MCTP1: variants seen among roughly 807,000 people sequenced by gnomAD.
The protein encoded by MCTP1 is multiple C2 and transmembrane domain containing 1, also known as multiple C2 and transmembrane domain-containing protein 1.
MCTP1 carries 69 observed loss-of-function variants against 120.6 expected under a neutral mutation model. That is an observed-to-expected ratio of 0.57 (90% CI 0.47 to 0.70). The LOEUF (loss-of-function observed/expected upper bound fraction) is 0.70. Ranked by LOEUF, MCTP1 falls within the 30% of genes least tolerant of loss-of-function variation. MCTP1 has a pLI of 0.00. For synonymous variants in MCTP1, 529 were observed against 493.1 expected (o/e 1.07, Z -0.96); for missense variants, 1,203 against 1,248.8 (o/e 0.96, Z 0.55).
chr5:95,035,389 T>C (rs1053678226), intron 1 of MCTP1, among the ~76,000 whole-genome samples: 4 of 152,038 alleles, frequency 2.6e-5, no homozygotes, highest in Non-Finnish European at 5.9e-5. Context: ...TGTGCAGCCA[T>C]AAAAAGAATG....
chr5:94,802,614 T>C (rs189572364), intron 17 of MCTP1, among the ~76,000 whole-genome samples: 121 of 152,092 alleles, frequency 8.0e-4, no homozygotes, highest in African/African-American at 2.9e-3. Flanking sequence ...GTAAGAGAAA[T>C]AAGGCAGCTG....
intron 7 of MCTP1, among the ~76,000 whole-genome samples, chr5:94,919,909 T>G (rs1365434632): frequency 6.6e-6 from 1 of 152,244 alleles, no homozygotes; most frequent in Non-Finnish European, 1.5e-5. Flanking sequence ...CTGAAGTGTC[T>G]CATCTTATAA....
At chr5:94,953,890 T>C (rs1167928572) in intron 2 of MCTP1, among the ~76,000 whole-genome samples, 4 of 102,470 alleles carry the variant, frequency 3.9e-5, no homozygotes, top group East Asian at 2.4e-4. Context: ...TGCATATATA[T>C]ACAAATATAT....
At chr5:95,281,754 G>A (rs1407427983) in intron 1 of MCTP1, among the ~76,000 whole-genome samples, 1 of 152,172 alleles carries the variant, frequency 6.6e-6, no homozygotes. Context: ...AAATATACAT[G>A]CAACAATACA....
chr5:94,829,018 A>AC (rs1787898806), intron 17 of MCTP1, among the ~76,000 whole-genome samples: 1 of 151,786 alleles, frequency 6.6e-6, no homozygotes, highest in Non-Finnish European at 1.5e-5. Context: ...CAACAACAAA[A>AC]AAAAAACTCC....
rs1224057524 is a variant in MCTP1 at position 95,017,544 on chromosome 5, AG to A, written c.721-61del. ...ATTATCTCTGTTCTATTTTCTCTAA[AG>A]GGGGACCATATATAGCTTAACCCAA... On this transcript the variant is annotated intron_variant, in intron 1 of 22. Coordinates refer to ENST00000515393, the MANE Select transcript of MCTP1 (RefSeq NM_024717.7). The A allele has an allele frequency of 6.8e-6, 8 of 1,178,022 alleles. No homozygotes were observed. The East Asian group carries it at 1.3e-4, about 19-fold the overall frequency. 73.0% of individuals were successfully genotyped at this position (1,178,022 alleles called of 1,614,324 possible).
At chr5:94,908,185 T>G (rs1184198389) in intron 10 of MCTP1, among the ~76,000 whole-genome samples, 2 of 152,006 alleles carry the variant, frequency 1.3e-5, no homozygotes, top group Non-Finnish European at 2.9e-5. Flanking sequence ...AGTGTTTTAA[T>G]TAAGGGAAAA....
At chr5:95,021,388 G>A (rs1475582796) in intron 1 of MCTP1, among the ~76,000 whole-genome samples, 1 of 152,016 alleles carries the variant, frequency 6.6e-6, no homozygotes, top group African/African-American at 2.4e-5. Context: ...GATTTGAACT[G>A]CATTGAGTTT....
rs1470330477 is a variant in MCTP1, at chr5:94,871,423, T to C, written c.2037-6A>G. 13 of 1,569,572 alleles carry C rather than the reference T, an allele frequency of 8.3e-6. No homozygotes were observed. Among genetic ancestry groups the C allele is most frequent in the Non-Finnish European group, 1.1e-5 (13 of 1,140,388 alleles). On this transcript the variant is annotated splice_region_variant and splice_polypyrimidine_tract_variant and intron_variant, in intron 13 of 22. Coordinates refer to ENST00000515393, the MANE Select transcript of MCTP1 (RefSeq NM_024717.7). ...AATGGATATCTTTAATGTTGCTGCA[T>C]AATAAATATATGTAAGAAAAAAAGA...
intron 19 of MCTP1, among the ~76,000 whole-genome samples, chr5:94,757,634 T>C (rs1770248314): frequency 6.6e-6 from 1 of 152,192 alleles, no homozygotes; most frequent in Admixed American, 6.5e-5. Flanking sequence ...AAGGCAGAAA[T>C]GGAGATTTCT....
chr5:95,215,590 TG>T (rs1353816309), intron 1 of MCTP1, among the ~76,000 whole-genome samples: 1 of 152,178 alleles, frequency 6.6e-6, no homozygotes, highest in African/African-American at 2.4e-5. Context: ...TTGTTAGCCT[TG>T]TTGCTATTTT....
intron 19 of MCTP1, among the ~76,000 whole-genome samples, chr5:94,756,567 C>T (rs1769942866): frequency 1.3e-5 from 2 of 152,072 alleles, no homozygotes; most frequent in African/African-American, 2.4e-5. Flanking sequence ...CATAGAAAGC[C>T]GAAACTCCCT....
intron 18 of MCTP1, among the ~76,000 whole-genome samples, chr5:94,787,876 T>A (rs1374912181): frequency 6.6e-6 from 1 of 152,216 alleles, no homozygotes; most frequent in African/African-American, 2.4e-5. Flanking sequence ...TCTTAAATTC[T>A]TAGAAGACTC....
At chr5:95,010,620 G>C (rs1344661001) in intron 2 of MCTP1, among the ~76,000 whole-genome samples, 2 of 151,956 alleles carry the variant, frequency 1.3e-5, no homozygotes, top group Non-Finnish European at 2.9e-5. Flanking sequence ...CTAATGCCAG[G>C]CAAGTAAGTA....
chr5:95,080,139 C>T (rs10060235), intron 1 of MCTP1, among the ~76,000 whole-genome samples: 124,330 of 152,104 alleles, frequency 0.82, 53,402 homozygotes, highest in Non-Finnish European at 0.96. Context: ...CAATCTACCA[C>T]ACCACCTCCA....
At position 94,947,860 on chromosome 5, in the gene MCTP1, G is replaced by A. The variant is rs371558455; in HGVS notation, c.981+5359C>T. ...GGTCTTGAACCTCCTGAGTTCAAGC[G>A]ATCCTCTCACCTCAGCGCCCCAAAG... On this transcript the variant is annotated intron_variant, in intron 3 of 22. Transcript: ENST00000515393. Among the ~76,000 whole-genome samples the A allele has an allele frequency of 5.3e-5, 8 of 150,186 alleles. No individual in the cohort carries two copies. The East Asian group carries it at 1.4e-3, about 26-fold the overall frequency.
At chr5:95,053,511 A>G (rs370603054) in intron 1 of MCTP1, among the ~76,000 whole-genome samples, 6 of 152,192 alleles carry the variant, frequency 3.9e-5, no homozygotes, top group East Asian at 3.8e-4. Context: ...CAGTTAAACT[A>G]CAGATTGAGA....
chr5:94,884,613 TG>T (rs926602211), intron 12 of MCTP1, among the ~76,000 whole-genome samples: 6 of 4,274 alleles, frequency 1.4e-3, no homozygotes, highest in African/African-American at 7.5e-3. Flanking sequence ...CACAGCAAGT[TG>T]GGGGTGGGGG....
intron 2 of MCTP1, among the ~76,000 whole-genome samples, chr5:94,989,828 T>C (rs1480442313): frequency 6.6e-6 from 1 of 152,144 alleles, no homozygotes; most frequent in African/African-American, 2.4e-5. Context: ...GAAACCTCCA[T>C]AGAGACCCTA....
Sources: allele counts gnomAD v4.1 joint callset (sites outside exome capture counted in the v4.1 genomes callset), GRCh38; gene constraint gnomAD v4.1.1; transcripts MANE v1.5; gene names NCBI Gene and HGNC (gene_info 2026-07-23, HGNC 2026-07-21).